IQGAP2: variants seen among roughly 807,000 people sequenced by gnomAD.
IQGAP2 encodes the protein ras GTPase-activating-like protein IQGAP2.
IQGAP2 carries 173 observed loss-of-function variants against 201.3 expected under a neutral mutation model. The observed-to-expected ratio is 0.86, with a 90% CI of 0.76 to 0.98. The LOEUF is 0.98. IQGAP2 is among the 50% of genes least tolerant of loss of function. IQGAP2 has a pLI of 0.00. For synonymous variants in IQGAP2, 675 were observed against 673.9 expected, an observed-to-expected ratio of 1.00 and a Z score of -0.03; for missense variants, 1,687 against 1,864.8, an observed-to-expected ratio of 0.90 and a Z score of 1.76.
Position 76,477,548 on chromosome 5 carries a change from C to T in IQGAP2, c.146+15879C>T, listed in dbSNP as rs1031992227. ...TGCTGCCAGTCATATGAAAGTATAG[C>T]GCATACAAATGTGTACAGTACATAA... On this transcript the variant is annotated intron_variant, in intron 2 of 35. Coordinates refer to ENST00000274364, the MANE Select transcript of IQGAP2 (RefSeq NM_006633.5). Among the ~76,000 whole-genome samples, 9 of 152,164 alleles carry T rather than the reference C, an allele frequency of 5.9e-5. No homozygotes were observed. The East Asian group carries it at 1.2e-3, about 20-fold the overall frequency.
chr5:76,405,429 A>C (rs1351700186), intron 1 of IQGAP2, among the ~76,000 whole-genome samples: 1 of 152,232 alleles, frequency 6.6e-6, no homozygotes, highest in East Asian at 1.9e-4. Context: ...CCCTCCACTC[A>C]TCAAGTGCTG....
chr5:76,661,503 T>G (rs1198741429), intron 21 of IQGAP2, among the ~76,000 whole-genome samples: 1 of 152,190 alleles, frequency 6.6e-6, no homozygotes, highest in Non-Finnish European at 1.5e-5. Context: ...AGCCCAGATT[T>G]GCAGGCCAGT....
intron 2 of IQGAP2, among the ~76,000 whole-genome samples, chr5:76,513,256 A>T (rs1758094970): frequency 6.6e-6 from 1 of 151,932 alleles, no homozygotes; most frequent in South Asian, 2.1e-4. Context: ...TCCTTACAGC[A>T]CTCCTTTGAG....
chr5:76,620,785 G>T (rs181473843), intron 13 of IQGAP2, among the ~76,000 whole-genome samples: 4 of 152,242 alleles, frequency 2.6e-5, no homozygotes, highest in African/African-American at 9.6e-5. Context: ...ATCGGAAGAT[G>T]AAATCGGTAT....
chr5:76,678,038 G>A (rs930786892), intron 28 of IQGAP2, among the ~76,000 whole-genome samples: 4 of 152,040 alleles, frequency 2.6e-5, no homozygotes, highest in African/African-American at 9.7e-5. Flanking sequence ...GCTATGCTAT[G>A]TAGACCTACA....
chr5:76,549,719 G>A (rs906734524), intron 2 of IQGAP2, among the ~76,000 whole-genome samples: 3 of 152,038 alleles, frequency 2.0e-5, no homozygotes, highest in African/African-American at 4.8e-5. Flanking sequence ...ATGTCCTTCT[G>A]TCTTCCCTCT....
intron 2 of IQGAP2, among the ~76,000 whole-genome samples, chr5:76,537,629 A>G (rs575296689): frequency 2.6e-5 from 4 of 152,278 alleles, no homozygotes; most frequent in Admixed American, 1.3e-4. Flanking sequence ...TCCTATCACA[A>G]TGCTGGATTT....
chr5:76,526,731 C>T (rs1758997240), intron 2 of IQGAP2, among the ~76,000 whole-genome samples: 1 of 152,120 alleles, frequency 6.6e-6, no homozygotes, highest in Admixed American at 6.5e-5. Flanking sequence ...GGGACCACTG[C>T]CTTCTTGGAT....
At chr5:76,616,657 G>T (rs1170040520) in intron 13 of IQGAP2, 1 of 152,664 alleles carries the variant, frequency 6.6e-6, no homozygotes, top group African/African-American at 2.4e-5. Flanking sequence ...TTCAAGACCA[G>T]CCTGGGCAAC....
Position 76,674,712 on chromosome 5 carries a change from G to T in IQGAP2, c.3527+3G>T. On this transcript the variant is annotated splice_donor_region_variant and intron_variant, in intron 27 of 35. Transcript: ENST00000274364. ...TCAGAGACGTATCAGGAATTCAGGT[G>T]AGAGGGGCCCTTAGTTTTGGAGAAA... 2 of 1,591,884 alleles carry T rather than the reference G, an allele frequency of 1.3e-6. No individual in the cohort carries two copies. Among genetic ancestry groups the T allele is most frequent in the South Asian group, 1.1e-5 (1 of 90,536 alleles).
At chr5:76,452,948 T>A (rs1753858885) in intron 1 of IQGAP2, among the ~76,000 whole-genome samples, 1 of 148,368 alleles carries the variant, frequency 6.7e-6, no homozygotes, top group African/African-American at 2.5e-5. Context: ...TCTCGCTCTG[T>A]AGCCCAGGCT....
chr5:76,461,081 T>A (rs952598426), intron 1 of IQGAP2, among the ~76,000 whole-genome samples: 50 of 151,940 alleles, frequency 3.3e-4, no homozygotes, highest in African/African-American at 1.2e-3. Flanking sequence ...GGTTTCACCG[T>A]GTTAGCCAGG....
chr5:76,440,772 C>T (rs1219247906), intron 1 of IQGAP2, among the ~76,000 whole-genome samples: 1 of 151,668 alleles, frequency 6.6e-6, no homozygotes, highest in Non-Finnish European at 1.5e-5. Flanking sequence ...GGTGCAGTGA[C>T]TCAGTAATCC....
rs756192281 is a variant in IQGAP2, at chr5:76,540,406, G to A, written c.147-21990G>A. Among the ~76,000 whole-genome samples, 4 of 152,294 alleles carry A rather than the reference G, an allele frequency of 2.6e-5. No homozygotes were observed. In the East Asian group the frequency reaches 5.8e-4, roughly 22 times the overall value. Reference sequence around the variant, plus strand: ...AACTAGATCATCCAGGGGAAGAGGAGTTGGAGGTATGGAGCACTAGATTAT... The same window carrying A: ...AACTAGATCATCCAGGGGAAGAGGAATTGGAGGTATGGAGCACTAGATTAT... On this transcript the variant is annotated intron_variant, in intron 2 of 35. Coordinates refer to ENST00000274364, the MANE Select transcript of IQGAP2 (RefSeq NM_006633.5).
intron 2 of IQGAP2, among the ~76,000 whole-genome samples, chr5:76,494,685 T>C (rs1209781931): frequency 6.6e-6 from 1 of 152,216 alleles, no homozygotes; most frequent in Non-Finnish European, 1.5e-5. Context: ...TTTTGTTTTG[T>C]TTTGTTTTGT....
chr5:76,543,984 A>C (rs1367968832), intron 2 of IQGAP2, among the ~76,000 whole-genome samples: 1 of 152,188 alleles, frequency 6.6e-6, no homozygotes, highest in East Asian at 1.9e-4. Context: ...GGAAACTCCT[A>C]AGCGCCTGCA....
chr5:76,627,030 C>CA (rs1554077057), intron 13 of IQGAP2, among the ~76,000 whole-genome samples: 1 of 151,888 alleles, frequency 6.6e-6, no homozygotes, highest in Non-Finnish European at 1.5e-5. Flanking sequence ...TTCTAACTGC[C>CA]GGGGGAAGCC....
intron 1 of IQGAP2, among the ~76,000 whole-genome samples, chr5:76,455,679 C>T (rs1447012434): frequency 2.6e-5 from 4 of 152,070 alleles, no homozygotes; most frequent in Admixed American, 1.3e-4. Flanking sequence ...ATAATTATGA[C>T]AAGCTTCTTA....
At chr5:76,619,922 A>T (rs1372783290) in intron 13 of IQGAP2, among the ~76,000 whole-genome samples, 1 of 152,116 alleles carries the variant, frequency 6.6e-6, no homozygotes, top group Non-Finnish European at 1.5e-5. Context: ...AAAGTCAGAG[A>T]TTTGAAGATG....
Sources: allele counts gnomAD v4.1 joint callset (sites outside exome capture counted in the v4.1 genomes callset), GRCh38; gene constraint gnomAD v4.1.1; transcripts MANE v1.5; gene names NCBI Gene and HGNC (gene_info 2026-07-23, HGNC 2026-07-21).